The following YEATS2 variants were observed in gnomAD, a reference collection of about 807,000 sequenced individuals.
The protein encoded by YEATS2 is YEATS domain-containing protein 2.
A neutral mutation model predicts 163.2 loss-of-function variants in YEATS2; 77 were observed. That is an observed-to-expected ratio of 0.47 (90% CI 0.39 to 0.57). The LOEUF (loss-of-function observed/expected upper bound fraction) is 0.57, where lower values mean the gene tolerates loss of function less well. Among genes scored for constraint, YEATS2 ranks in the 20% least tolerant of loss-of-function variants. The pLI is 0.00. For synonymous variants in YEATS2, 631 were observed against 645.1 expected (o/e 0.98, Z 0.33); for missense variants, 1,549 against 1,729.8 (o/e 0.90, Z 1.85).
At chr3:183,747,581 T>G in intron 8 of YEATS2, 91 bp from the exon 9 acceptor site, 1 of 1,058,300 alleles carries the variant, frequency 9.4e-7, no homozygotes. Flanking sequence ...TATGAAGACT[T>G]GCAAAAGAGC....
At chr3:183,771,877 C>T (rs563870905) in intron 15 of YEATS2, among the ~76,000 whole-genome samples, 118 of 151,962 alleles carry the variant, frequency 7.8e-4, no homozygotes, top group Non-Finnish European at 1.3e-3. Flanking sequence ...CAGGTGTGTG[C>T]CACCATGCCC....
intron 1 of YEATS2, among the ~76,000 whole-genome samples, chr3:183,698,552 G>A (rs555210894): frequency 2.0e-5 from 3 of 152,330 alleles, no homozygotes; most frequent in South Asian, 4.1e-4. Flanking sequence ...TTGAAGGGCT[G>A]TGGCCAGACT....
At chr3:183,786,425 A>T (rs1328971523) in intron 20 of YEATS2, 124 bp downstream of exon 20, 245 of 705,144 alleles carry the variant, frequency 3.5e-4, no homozygotes, top group Middle Eastern at 4.8e-4. Context: ...TTTTTTTTTT[A>T]AAGAAATATT....
At chr3:183,778,889 T>G (rs1190155378) in intron 19 of YEATS2, among the ~76,000 whole-genome samples, 4 of 152,310 alleles carry the variant, frequency 2.6e-5, no homozygotes, top group Middle Eastern at 3.4e-3. Context: ...TATATTACTG[T>G]TTTAAACTAC....
At chr3:183,725,622 T>C (rs1009256627) in intron 6 of YEATS2, among the ~76,000 whole-genome samples, 7 of 152,220 alleles carry the variant, frequency 4.6e-5, no homozygotes, top group Admixed American at 3.9e-4. Flanking sequence ...CTTATGAGAC[T>C]GATTTATTAT....
intron 7 of YEATS2, among the ~76,000 whole-genome samples, chr3:183,732,512 C>A (rs1204028600): frequency 6.6e-6 from 1 of 151,890 alleles, no homozygotes; most frequent in Non-Finnish European, 1.5e-5. Context: ...TAGTTCCTAG[C>A]ATGTAGTAAA....
At chr3:183,791,290 C>T (rs1724607678) in intron 21 of YEATS2, among the ~76,000 whole-genome samples, 1 of 152,208 alleles carries the variant, frequency 6.6e-6, no homozygotes, top group African/African-American at 2.4e-5. Flanking sequence ...CCACCTCAGC[C>T]TCCCAAAGTG....
rs191859754 is a variant in YEATS2 at position 183,796,526 on chromosome 3, G to C, written c.3098-1397G>C. Among the ~76,000 whole-genome samples, 331 of 150,798 alleles carry C rather than the reference G, an allele frequency of 2.2e-3. 1 individual carries two copies. The highest frequency in any genetic ancestry group is 7.6e-3 in the African/African-American group (311 of 41,000). ...GAAAAACAAAGGCTGCTGCACAGAGGTAGGAAACGATGAGGTGTGGTGTGT... is the reference window on the plus strand; with the variant it reads ...GAAAAACAAAGGCTGCTGCACAGAGCTAGGAAACGATGAGGTGTGGTGTGT... On this transcript the variant is annotated intron_variant, in intron 21 of 30. Coordinates refer to ENST00000305135, the MANE Select transcript of YEATS2 (RefSeq NM_018023.5).
At chr3:183,729,110 A>T (rs1296839981) in intron 7 of YEATS2, among the ~76,000 whole-genome samples, 1 of 152,112 alleles carries the variant, frequency 6.6e-6, no homozygotes, top group African/African-American at 2.4e-5. Flanking sequence ...GTCTCCACTA[A>T]AGATACAAAA....
intron 7 of YEATS2, among the ~76,000 whole-genome samples, chr3:183,736,429 TC>T (rs1718349202): frequency 6.6e-6 from 1 of 152,214 alleles, no homozygotes; most frequent in African/African-American, 2.4e-5. Context: ...ATTCATCAGA[TC>T]AACCTAGTTC....
In YEATS2 at chr3:183,781,719, G is replaced by A. The variant is rs1228088691; in HGVS notation, c.2736+4019G>A. Among the ~76,000 whole-genome samples the A allele has an allele frequency of 4.7e-5, 7 of 150,382 alleles. No homozygotes were observed. The East Asian group carries it at 1.2e-3, about 25-fold the overall frequency. ...CATAAGCGTAGATCTCCAGCCTGGCGACAGAACAAGACTCCGTCTCAAAAA... is the reference window on the plus strand; with the variant it reads ...CATAAGCGTAGATCTCCAGCCTGGCAACAGAACAAGACTCCGTCTCAAAAA... On this transcript the variant is annotated intron_variant, in intron 19 of 30. Transcript: ENST00000305135.
rs1721346573 is a variant in YEATS2 at position 183,761,504 on chromosome 3, CA to C, written c.1657-2del. The C allele has an allele frequency of 2.5e-6, 4 of 1,613,142 alleles. No individual in the cohort carries two copies. The highest frequency in any genetic ancestry group is 3.4e-6 in the Non-Finnish European group (4 of 1,179,088). On this transcript the variant is annotated splice_acceptor_variant, in intron 13 of 30. Coordinates refer to ENST00000305135, the MANE Select transcript of YEATS2 (RefSeq NM_018023.5). LOFTEE classifies it high-confidence loss of function. The stretch of plus-strand genomic sequence containing the variant: ...TGTAAAATATGTATTTTTACACACA[CA>C]GCAGGAGGATTCTTTGTTTGCATCT...
chr3:183,760,424 G>A (rs1470666880), intron 13 of YEATS2, among the ~76,000 whole-genome samples: 1 of 147,444 alleles, frequency 6.8e-6, no homozygotes, highest in Admixed American at 7.0e-5. Flanking sequence ...CTGAGTTCAA[G>A]CGATTCTGCG....
intron 27 of YEATS2, among the ~76,000 whole-genome samples, chr3:183,804,429 A>G (rs1725981853): frequency 1.3e-5 from 2 of 152,192 alleles, no homozygotes; most frequent in Admixed American, 6.5e-5. Flanking sequence ...CTGTCCACTC[A>G]GGAGTCCCTG....
chr3:183,698,974 G>T (rs926542997), intron 1 of YEATS2, among the ~76,000 whole-genome samples: 12 of 152,110 alleles, frequency 7.9e-5, no homozygotes, highest in African/African-American at 2.7e-4. Flanking sequence ...CCCTGATAAG[G>T]AGTTTAGTTT....
At chr3:183,752,885 C>T (rs1360972469) in intron 10 of YEATS2, among the ~76,000 whole-genome samples, 1 of 151,582 alleles carries the variant, frequency 6.6e-6, no homozygotes, top group African/African-American at 2.4e-5. Context: ...GCAACCTCCA[C>T]CTCCTGGGTT....
chr3:183,748,680 A>C (rs1577105670), intron 9 of YEATS2, among the ~76,000 whole-genome samples: 1 of 150,956 alleles, frequency 6.6e-6, no homozygotes, highest in African/African-American at 2.4e-5. Flanking sequence ...GCTCACTGCA[A>C]CCTTGAATTG....
intron 16 of YEATS2, among the ~76,000 whole-genome samples, chr3:183,773,432 C>A (rs1028570658): frequency 2.0e-5 from 3 of 152,146 alleles, no homozygotes; most frequent in Non-Finnish European, 4.4e-5. Flanking sequence ...CTGGCAGGCT[C>A]TTCTGGTCTA....
chr3:183,800,397 T>C, intron 23 of YEATS2, 69 bp from the exon 24 acceptor site: 7 of 1,147,588 alleles, frequency 6.1e-6, no homozygotes, highest in Non-Finnish European at 9.0e-6. Flanking sequence ...AAGAGCTTTG[T>C]TTGTGCCTGC....
Sources: gnomAD v4.1 joint callset for allele counts (sites outside exome capture counted in the v4.1 genomes callset) on GRCh38, gnomAD v4.1.1 for gene constraint, MANE v1.5 for transcripts, NCBI Gene and HGNC (gene_info 2026-07-23, HGNC 2026-07-21) for gene names.